Variants in ZNF610 observed in about 807,000 individuals in gnomAD.
ZNF610 encodes zinc finger protein 610.
A neutral mutation model predicts 14.1 loss-of-function variants in ZNF610; 14 were observed. The ratio of observed to expected loss-of-function variants is 0.99; its 90% confidence interval spans 0.65 to 1.55. ZNF610 has a LOEUF of 1.55. ZNF610 is among the 40% of genes most tolerant of loss of function. The probability of loss-of-function intolerance (pLI) is 0.00; values close to 1 mark genes in which losing one functional copy is unlikely to be tolerated. For synonymous variants in ZNF610, 185 were observed against 187.6 expected, an observed-to-expected ratio of 0.99 and a Z score of 0.11; for missense variants, 530 against 558.0, an observed-to-expected ratio of 0.95 and a Z score of 0.51.
chr19:52,353,869 T>C, intron 4 of ZNF610, 61 bp downstream of exon 4: 2 of 1,550,108 alleles, frequency 1.3e-6, no homozygotes, highest in Non-Finnish European at 1.7e-6. Context: ...CATTTTCTCT[T>C]GCGTGCCTCT....
At chr19:52,351,102 T>C (rs565277840) in intron 3 of ZNF610, among the ~76,000 whole-genome samples, 18 of 152,194 alleles carry the variant, frequency 1.2e-4, no homozygotes, top group Non-Finnish European at 1.9e-4. Context: ...CATGTTTTCA[T>C]GTTAGGAAGA....
chr19:52,361,619 ATTT>A (rs200785888), intron 5 of ZNF610, among the ~76,000 whole-genome samples: 26,861 of 151,660 alleles, frequency 0.18, 2,615 homozygotes, highest in East Asian at 0.25. Context: ...ATTTATTTTA[ATTT>A]AAAAATTTTT....
chr19:52,351,214 T>C (rs1335734308), intron 3 of ZNF610, among the ~76,000 whole-genome samples: 1 of 152,068 alleles, frequency 6.6e-6, no homozygotes, highest in African/African-American at 2.4e-5. Context: ...CCCAGCACTT[T>C]GGGAGGCTGA....
intron 5 of ZNF610, among the ~76,000 whole-genome samples, chr19:52,360,913 T>C (rs554571827): frequency 6.6e-6 from 1 of 152,314 alleles, no homozygotes; most frequent in Non-Finnish European, 1.5e-5. Context: ...ACTAGCCTTA[T>C]TGAATGAGAG....
intron 5 of ZNF610, among the ~76,000 whole-genome samples, chr19:52,363,976 A>G (rs1482371459): frequency 6.6e-6 from 1 of 152,136 alleles, no homozygotes; most frequent in Non-Finnish European, 1.5e-5. Flanking sequence ...TAATTGTGAC[A>G]TGCTTTGATC....
the ZNF610 span, among the ~76,000 whole-genome samples, chr19:52,330,877 G>T: frequency 6.6e-6 from 1 of 152,230 alleles, no homozygotes; most frequent in East Asian, 1.9e-4. Context: ...GTGAAATGAA[G>T]AATGTGATGT....
chr19:52,364,778 A>T (rs1985938139), intron 5 of ZNF610, among the ~76,000 whole-genome samples: 1 of 152,154 alleles, frequency 6.6e-6, no homozygotes, highest in African/African-American at 2.4e-5. Context: ...AGGTTTCACC[A>T]TGTTGGCCAG....
At chr19:52,346,742 A>T (rs563404554) in intron 1 of ZNF610, among the ~76,000 whole-genome samples, 1 of 151,838 alleles carries the variant, frequency 6.6e-6, no homozygotes, top group Admixed American at 6.6e-5. Context: ...TTATTTTTTT[A>T]TTTTTTGAGA....
At chr19:52,365,416 G>A (rs1985971550) in intron 5 of ZNF610, among the ~76,000 whole-genome samples, 1 of 152,016 alleles carries the variant, frequency 6.6e-6, no homozygotes, top group Non-Finnish European at 1.5e-5. Context: ...TTCTCTAAGA[G>A]GCTCATCCCT....
At chr19:52,338,930 C>CA (rs1296112043) in intron 1 of ZNF610, among the ~76,000 whole-genome samples, 49 of 133,542 alleles carry the variant, frequency 3.7e-4, no homozygotes, top group Middle Eastern at 4.2e-3. Flanking sequence ...CCCGCGCCGG[C>CA]CCGGTCTCTG....
At chr19:52,363,760 TA>T (rs1263540540) in intron 5 of ZNF610, among the ~76,000 whole-genome samples, 2 of 152,232 alleles carry the variant, frequency 1.3e-5, no homozygotes, top group Non-Finnish European at 2.9e-5. Flanking sequence ...TCTTTAGAGT[TA>T]AAGGGAGTCT....
At chr19:52,363,289 C>G (rs892510368) in intron 5 of ZNF610, among the ~76,000 whole-genome samples, 2 of 152,206 alleles carry the variant, frequency 1.3e-5, no homozygotes, top group Non-Finnish European at 2.9e-5. Flanking sequence ...ACCACTGCAT[C>G]CAGCTAATTT....
At chr19:52,332,578 C>T (rs1457594905), upstream of ZNF610, among the ~76,000 whole-genome samples, 2 of 152,176 alleles carry the variant, frequency 1.3e-5, no homozygotes, top group African/African-American at 4.8e-5. This position sits in a 1 kb window ranked among gnomAD's most constrained non-coding sequence, Gnocchi z 4.1. Flanking sequence ...TTGGGCTATA[C>T]AGCCTCCTCC....
At position 52,366,204 on chromosome 19, in the gene ZNF610, G is replaced by A. The variant is rs1046032451; in HGVS notation, c.826G>A (p.Ala276Thr). Residue 276 changes from alanine to threonine, a missense_variant, in exon 6 of 6, where the codon GCA becomes ACA. Ala to Thr is a moderately conservative substitution (Grantham distance 58, BLOSUM62 0). Transcript: ENST00000403906. ...GGTGTTTAATCGCAATTCAAACCTT[G>A]CACGACATCAAAGAATTCATACTGG... ...DKVFNRNSNL[A>T]RHQRIHTGEK... 8.1e-6 allele frequency: 13 copies of A among 1,613,758 alleles called. No homozygotes were observed. The highest frequency in any genetic ancestry group is 3.3e-4 in the Middle Eastern group (2 of 6,082).
intron 3 of ZNF610, 95 bp from the exon 4 acceptor site, chr19:52,353,587 A>AT: frequency 7.1e-7 from 1 of 1,408,374 alleles, no homozygotes; most frequent in Non-Finnish European, 9.8e-7. Flanking sequence ...ATGATCTGCC[A>AT]TTTTTAATAG....
intron 5 of ZNF610, 27 bp downstream of exon 5, chr19:52,354,406 G>A: frequency 4.4e-6 from 7 of 1,600,900 alleles, no homozygotes; most frequent in Non-Finnish European, 6.0e-6. Flanking sequence ...GCAGTGTGGA[G>A]GCCATAGTTT....
At chr19:52,348,855 T>G (rs1985094478) in intron 2 of ZNF610, among the ~76,000 whole-genome samples, 1 of 152,140 alleles carries the variant, frequency 6.6e-6, no homozygotes, top group Non-Finnish European at 1.5e-5. Flanking sequence ...GCTGTGCTCT[T>G]CATGGAGTTT....
At chr19:52,337,074 G>A (rs553308837) in intron 1 of ZNF610, among the ~76,000 whole-genome samples, 2 of 152,176 alleles carry the variant, frequency 1.3e-5, no homozygotes, top group South Asian at 4.1e-4. Flanking sequence ...GAATGTAGCA[G>A]GGGGAGAAAA....
At chr19:52,358,873 C>T (rs555048187) in intron 5 of ZNF610, among the ~76,000 whole-genome samples, 2 of 152,218 alleles carry the variant, frequency 1.3e-5, no homozygotes, top group African/African-American at 4.8e-5. Context: ...TGTGGATATC[C>T]AGTTTCCTCA....
Sources: gnomAD v4.1 joint callset for allele counts (sites outside exome capture counted in the v4.1 genomes callset) on GRCh38, gnomAD v4.1.1 for gene constraint, Gnocchi (gnomAD v3.1) non-coding constraint, MANE v1.5 for transcripts, NCBI Gene and HGNC (gene_info 2026-07-23, HGNC 2026-07-21) for gene names.